The following NRG3 variants were observed in gnomAD, a reference collection of about 807,000 sequenced individuals.
NRG3 encodes the protein neuregulin 3.
A neutral mutation model predicts 66.9 loss-of-function variants in NRG3; 31 were observed. The observed-to-expected ratio is 0.46, with a 90% CI of 0.35 to 0.63. The LOEUF (loss-of-function observed/expected upper bound fraction) is 0.63, where lower values mean the gene tolerates loss of function less well. Among genes scored for constraint, NRG3 ranks in the 20% least tolerant of loss-of-function variants. NRG3 has a pLI of 0.00. For missense variants in NRG3, 910 were observed against 878.9 expected (o/e 1.04, Z -0.45); for synonymous variants, 393 against 359.4 (o/e 1.09, Z -1.06).
At chr10:82,924,772 A>G (rs1253323309) in intron 4 of NRG3, among the ~76,000 whole-genome samples, 1 of 152,118 alleles carries the variant, frequency 6.6e-6, no homozygotes, top group African/African-American at 2.4e-5. Flanking sequence ...CTGCATTTTG[A>G]TGGGTACAAG....
chr10:82,257,039 G>A (rs2077766964), intron 1 of NRG3, among the ~76,000 whole-genome samples: 1 of 152,184 alleles, frequency 6.6e-6, no homozygotes, highest in Admixed American at 6.5e-5. Flanking sequence ...CATTTGCTCT[G>A]ATTTTATAAC....
chr10:82,950,185 A>G (rs1025369120), intron 4 of NRG3, among the ~76,000 whole-genome samples: 2 of 152,190 alleles, frequency 1.3e-5, no homozygotes, highest in African/African-American at 4.8e-5. Flanking sequence ...TTTGAGAACT[A>G]TTGTTCTATG....
chr10:82,479,512 A>AG (rs1298220794), intron 2 of NRG3, among the ~76,000 whole-genome samples: 1 of 149,958 alleles, frequency 6.7e-6, no homozygotes, highest in East Asian at 2.0e-4. Flanking sequence ...AAAAAAAAAA[A>AG]AACAGCTGGG....
intron 1 of NRG3, among the ~76,000 whole-genome samples, chr10:82,072,252 G>A (rs1460441247): frequency 1.3e-5 from 2 of 152,170 alleles, no homozygotes; most frequent in East Asian, 3.8e-4. Context: ...TTGCATTAAA[G>A]GTATTAAGAA....
chr10:82,899,979 G>T (rs931791818), intron 4 of NRG3, among the ~76,000 whole-genome samples: 1 of 152,194 alleles, frequency 6.6e-6, no homozygotes, highest in Non-Finnish European at 1.5e-5. Flanking sequence ...GGTTTAATTA[G>T]CTCACCGTTC....
intron 1 of NRG3, among the ~76,000 whole-genome samples, chr10:82,187,905 A>G (rs933992710): frequency 1.3e-5 from 2 of 152,102 alleles, no homozygotes; most frequent in African/African-American, 2.4e-5. Context: ...AAAGAACTCT[A>G]TAGATTCAGT....
chr10:82,405,980 C>A (rs1304905879), intron 2 of NRG3, among the ~76,000 whole-genome samples: 1 of 152,012 alleles, frequency 6.6e-6, no homozygotes, highest in Admixed American at 6.6e-5. Flanking sequence ...TGCATTGCTC[C>A]ATTGCTGCTA....
intron 2 of NRG3, among the ~76,000 whole-genome samples, chr10:82,393,735 C>T (rs2086539929): frequency 6.6e-6 from 1 of 152,164 alleles, no homozygotes; most frequent in Admixed American, 6.5e-5. Context: ...AACTAGACCT[C>T]TGCTCCTGGC....
intron 1 of NRG3, among the ~76,000 whole-genome samples, chr10:82,011,804 G>C (rs1012430420): frequency 1.3e-4 from 20 of 152,218 alleles, no homozygotes; most frequent in Non-Finnish European, 2.9e-4. Flanking sequence ...TGACGGAAGA[G>C]ATGGGTTGCC....
chr10:81,889,018 A>G (rs1842820909), intron 1 of NRG3, among the ~76,000 whole-genome samples: 1 of 152,192 alleles, frequency 6.6e-6, no homozygotes, highest in African/African-American at 2.4e-5. Flanking sequence ...TAGAATTGGC[A>G]TGTTTTAAGG....
chr10:82,789,623 T>A (rs1398873612), intron 3 of NRG3, among the ~76,000 whole-genome samples: 1 of 152,112 alleles, frequency 6.6e-6, no homozygotes, highest in Admixed American at 6.5e-5. Flanking sequence ...GGATCATTTT[T>A]AAGTCCATTC....
chr10:82,068,872 C>T (rs976251261), intron 1 of NRG3, among the ~76,000 whole-genome samples: 4 of 152,140 alleles, frequency 2.6e-5, no homozygotes, highest in African/African-American at 4.8e-5. Flanking sequence ...AAAAATCACT[C>T]TGGATGCTAT....
intron 3 of NRG3, among the ~76,000 whole-genome samples, chr10:82,830,502 T>A (rs1035763003): frequency 6.6e-6 from 1 of 152,180 alleles, no homozygotes; most frequent in Non-Finnish European, 1.5e-5. Context: ...GTAGAAAACT[T>A]GGAGTTAAAA....
chr10:82,606,036 C>A (rs2133443941), intron 2 of NRG3, among the ~76,000 whole-genome samples: 1 of 152,116 alleles, frequency 6.6e-6, no homozygotes, highest in African/African-American at 2.4e-5. Context: ...TCAACTTCTG[C>A]TCTAATTTTG....
At chr10:82,909,938 CTG>C (rs1845162802) in intron 4 of NRG3, among the ~76,000 whole-genome samples, 1 of 152,094 alleles carries the variant, frequency 6.6e-6, no homozygotes, top group Non-Finnish European at 1.5e-5. Context: ...GAAGGATAAA[CTG>C]TTGAAATTCT....
chr10:82,084,390 C>A (rs1412997803), intron 1 of NRG3, among the ~76,000 whole-genome samples: 1 of 150,756 alleles, frequency 6.6e-6, no homozygotes, highest in Non-Finnish European at 1.5e-5. Flanking sequence ...AGAATGTCAT[C>A]AAAAAATTTG....
intron 1 of NRG3, among the ~76,000 whole-genome samples, chr10:82,306,904 C>T (rs2080769471): frequency 6.6e-6 from 1 of 151,956 alleles, no homozygotes; most frequent in Non-Finnish European, 1.5e-5. Flanking sequence ...CTTCATCAAG[C>T]TGTAGCTCTA....
chr10:82,208,972 C>A (rs1167884962), intron 1 of NRG3, among the ~76,000 whole-genome samples: 1 of 151,074 alleles, frequency 6.6e-6, no homozygotes, highest in African/African-American at 2.4e-5. Flanking sequence ...TCTCTTCTTA[C>A]AACTACATGA....
intron 2 of NRG3, among the ~76,000 whole-genome samples, chr10:82,372,389 T>C (rs2084944730): frequency 6.6e-6 from 1 of 152,200 alleles, no homozygotes; most frequent in Non-Finnish European, 1.5e-5. Context: ...TTAATTTCTT[T>C]CACTCAAGCT....
Sources: gnomAD v4.1 joint callset for allele counts (sites outside exome capture counted in the v4.1 genomes callset) on GRCh38, gnomAD v4.1.1 for gene constraint, MANE v1.5 for transcripts, NCBI Gene and HGNC (gene_info 2026-07-23, HGNC 2026-07-21) for gene names.